The following BACH2 variants were observed in gnomAD, a reference collection of about 807,000 sequenced individuals.
BACH2 encodes BACH transcriptional regulator 2.
Under a neutral mutation model 61.8 loss-of-function variants are expected in BACH2, and 5 were observed. That is an observed-to-expected ratio of 0.08 (90% confidence interval 0.04 to 0.17). The LOEUF is 0.17. BACH2 is among the 10% of genes least tolerant of loss of function. The pLI, the probability that BACH2 is intolerant of heterozygous loss-of-function variation, is 1.00. For missense variants in BACH2, 824 were observed against 1,091.1 expected, an observed-to-expected ratio of 0.76 and a Z score of 3.45; for synonymous variants, 446 against 440.1, an observed-to-expected ratio of 1.01 and a Z score of -0.17.
rs138869202 is a variant in BACH2 at position 90,295,654 on chromosome 6, G to GGTGTGTGTGTGTGT, written c.-446+812_-446+825dup. Among the ~76,000 whole-genome samples, 434 of 147,814 alleles carry GGTGTGTGTGTGTGT rather than the reference G, an allele frequency of 2.9e-3. 2 individuals are homozygous for GGTGTGTGTGTGTGT. Among genetic ancestry groups the GGTGTGTGTGTGTGT allele is most frequent in the Middle Eastern group, 0.01 (3 of 288 alleles). On this transcript the variant is annotated intron_variant, in intron 1 of 8. Coordinates refer to ENST00000257749, the MANE Select transcript of BACH2 (RefSeq NM_021813.4). ...CTGGGGCTTGGAGACTGGAGTGTAG[G>GGTGTGTGTGTGTGT]GTGTGTGTGTGTGTGTGTGTGTGTG...
intron 7 of BACH2, among the ~76,000 whole-genome samples, chr6:89,948,441 C>T (rs1247463418): frequency 1.3e-5 from 2 of 152,122 alleles, no homozygotes; most frequent in Non-Finnish European, 2.9e-5. Flanking sequence ...ATCCTGAGCT[C>T]AAGTGATCCA....
At chr6:90,037,430 A>G (rs6910381) in intron 5 of BACH2, among the ~76,000 whole-genome samples, 150,917 of 152,370 alleles carry the variant, frequency 0.99, 74,743 homozygotes, top group East Asian at 1. Context: ...TAAAGGAGCC[A>G]AAAGGCTCTT....
In BACH2 at chr6:89,928,926, C is replaced by T. The variant is rs893169440; in HGVS notation, c.*3482G>A. ...TCCAGAATCAGTATGTAATAAAGTT[C>T]GATTTTAATCAAGGCACCCCCAGGT... On this transcript the variant is annotated 3_prime_UTR_variant, in exon 9 of 9. Coordinates refer to ENST00000257749, the MANE Select transcript of BACH2 (RefSeq NM_021813.4). 6.6e-6 allele frequency: 1 copy of T among 151,532 alleles called. No homozygotes were observed. The highest frequency in any genetic ancestry group is 1.5e-5 in the Non-Finnish European group (1 of 67,866). The allele number at this position is 151,532 out of a possible 1,614,324, so 9.4% of individuals were successfully genotyped here.
chr6:90,200,042 AC>A (rs1768904978), intron 4 of BACH2, among the ~76,000 whole-genome samples: 1 of 152,280 alleles, frequency 6.6e-6, no homozygotes, highest in Middle Eastern at 3.4e-3. Flanking sequence ...ATCAGTGTTT[AC>A]CATACTGGAG....
chr6:90,053,899 G>T (rs186891272), intron 5 of BACH2, among the ~76,000 whole-genome samples: 31 of 152,214 alleles, frequency 2.0e-4, no homozygotes, highest in Admixed American at 1.6e-3. Context: ...AGTTGTGAAG[G>T]CCTTTTTATT....
chr6:90,005,301 G>A (rs1777350179), intron 6 of BACH2, among the ~76,000 whole-genome samples: 1 of 152,146 alleles, frequency 6.6e-6, no homozygotes, highest in Admixed American at 6.5e-5. Context: ...CACAGCGGTT[G>A]GCTGCCAAGG....
rs979952034 is a variant in BACH2, at chr6:89,932,268, C to T, written c.*140G>A. On this transcript the variant is annotated 3_prime_UTR_variant, in exon 9 of 9. Coordinates refer to ENST00000257749, the MANE Select transcript of BACH2 (RefSeq NM_021813.4). ...GAGAAGAGGAGAGGATACTTCGGAA[C>T]AGTATTGCTGCTAAGACCGCTGTAG... 6.3e-6 allele frequency: 7 copies of T among 1,106,954 alleles called. No individual in the cohort carries two copies. The East Asian group carries it at 7.1e-5, about 11-fold the overall frequency. The allele number at this position is 1,106,954 out of a possible 1,614,324, so 68.6% of individuals were successfully genotyped here. A position where few individuals can be genotyped will look rare whatever the true frequency, so the allele number is the denominator to read the frequency against.
chr6:90,247,879 C>T (rs1438251113), intron 3 of BACH2, among the ~76,000 whole-genome samples: 5 of 152,148 alleles, frequency 3.3e-5, no homozygotes, highest in Admixed American at 3.3e-4. Flanking sequence ...TCTCTGATGT[C>T]CCTAATCAGA....
At chr6:90,143,553 C>CA (rs1177988905) in intron 4 of BACH2, among the ~76,000 whole-genome samples, 1 of 152,180 alleles carries the variant, frequency 6.6e-6, no homozygotes, top group African/African-American at 2.4e-5. Flanking sequence ...ACTCTGACCC[C>CA]AGTTTGCCTT....
At chr6:90,035,995 A>T (rs1779243066) in intron 5 of BACH2, among the ~76,000 whole-genome samples, 1 of 151,842 alleles carries the variant, frequency 6.6e-6, no homozygotes, top group African/African-American at 2.4e-5. Context: ...CTTACATTTC[A>T]TTTCTACGAA....
At chr6:90,116,593 T>C (rs1272866306) in intron 4 of BACH2, 2 of 203,866 alleles carry the variant, frequency 9.8e-6, no homozygotes, top group East Asian at 1.2e-4. Context: ...AACCTTCACA[T>C]TTACCCCCAA....
chr6:90,184,207 G>C (rs1240931209), intron 4 of BACH2, among the ~76,000 whole-genome samples: 2 of 152,158 alleles, frequency 1.3e-5, no homozygotes, highest in East Asian at 1.9e-4. Context: ...AGAAAGCTCT[G>C]ATTAACTACT....
chr6:89,948,294 T>C (rs1178843953), intron 7 of BACH2, among the ~76,000 whole-genome samples: 2 of 152,008 alleles, frequency 1.3e-5, no homozygotes, highest in African/African-American at 2.4e-5. Context: ...GCAACCTCCT[T>C]CTCCTGGGCT....
At chr6:90,225,066 TAACAACAACAAC>T (rs749374458) in intron 3 of BACH2, among the ~76,000 whole-genome samples, 13 of 151,422 alleles carry the variant, frequency 8.6e-5, no homozygotes, top group Admixed American at 1.3e-4. Flanking sequence ...AAATACATCA[TAACAACAACAAC>T]AACAACAACA....
intron 1 of BACH2, among the ~76,000 whole-genome samples, chr6:90,288,545 G>A (rs1364605566): frequency 6.6e-6 from 1 of 152,110 alleles, no homozygotes; most frequent in Non-Finnish European, 1.5e-5. Context: ...AGGCAGAGCT[G>A]AGTCAGCATT....
chr6:90,144,931 CAAAT>C (rs1784569363), intron 4 of BACH2, among the ~76,000 whole-genome samples: 1 of 152,246 alleles, frequency 6.6e-6, no homozygotes, highest in East Asian at 1.9e-4. Flanking sequence ...ACCAAGGAGA[CAAAT>C]AAAGATGGGA....
intron 3 of BACH2, among the ~76,000 whole-genome samples, chr6:90,250,043 G>A (rs1195340970): frequency 6.6e-6 from 1 of 152,100 alleles, no homozygotes; most frequent in African/African-American, 2.4e-5. Context: ...CTCAAAAAAA[G>A]GTAATGCACT....
intron 6 of BACH2, among the ~76,000 whole-genome samples, chr6:89,953,995 T>C (rs1293243183): frequency 1.3e-5 from 2 of 152,130 alleles, no homozygotes; most frequent in South Asian, 2.1e-4. Flanking sequence ...GTCCTTTTCT[T>C]CCAAGAATCT....
intron 2 of BACH2, among the ~76,000 whole-genome samples, chr6:90,267,003 A>G (rs1369971701): frequency 6.6e-6 from 1 of 152,060 alleles, no homozygotes; most frequent in Non-Finnish European, 1.5e-5. Context: ...AAGATGCCCC[A>G]CCCTGTGCCC....
Sources: allele counts gnomAD v4.1 joint callset (sites outside exome capture counted in the v4.1 genomes callset), GRCh38; gene constraint gnomAD v4.1.1; transcripts MANE v1.5; gene names NCBI Gene and HGNC (gene_info 2026-07-23, HGNC 2026-07-21).